CTDP1: variants seen among roughly 807,000 people sequenced by gnomAD.
The protein encoded by CTDP1 is RNA polymerase II subunit A C-terminal domain phosphatase.
CTDP1 carries 47 observed loss-of-function variants against 91.8 expected under a neutral mutation model. That is an observed-to-expected ratio of 0.51 (90% CI 0.41 to 0.65). The LOEUF (loss-of-function observed/expected upper bound fraction) is 0.65. CTDP1 is among the 30% of genes least tolerant of loss of function. The pLI is 0.00. For synonymous variants in CTDP1, 656 were observed against 598.5 expected, an observed-to-expected ratio of 1.10 and a Z score of -1.40; for missense variants, 1,272 against 1,373.7, an observed-to-expected ratio of 0.93 and a Z score of 1.17.
intron 10 of CTDP1, among the ~76,000 whole-genome samples, chr18:79,727,220 A>C (rs1599280934): frequency 2.0e-5 from 3 of 152,314 alleles, no homozygotes; most frequent in Admixed American, 2.0e-4. Context: ...TGAAACATTT[A>C]ATTCAGTTTA....
intron 12 of CTDP1, among the ~76,000 whole-genome samples, chr18:79,748,336 C>T (rs12961692): frequency 0.47 from 71,029 of 152,064 alleles, 16,810 homozygotes; most frequent in East Asian, 0.58. Flanking sequence ...CGGAGCGAGA[C>T]CGAGGGTGCA....
At chr18:79,737,310 C>G (rs2086689878) in intron 12 of CTDP1, among the ~76,000 whole-genome samples, 1 of 152,206 alleles carries the variant, frequency 6.6e-6, no homozygotes, top group African/African-American at 2.4e-5. Flanking sequence ...CTTACAGCTG[C>G]TTGGTTCTGA....
At position 79,715,444 on chromosome 18, in the gene CTDP1, G is replaced by A. The variant is rs2086186266; in HGVS notation, c.1984G>A (p.Ala662Thr). ...EKTREHYHAT[A>T]LGAKILTRLV... ...GACGCGGGAGCATTACCACGCCACG[G>A]CGCTGGGAGCGAAGATCCTCACTCG... is the stretch of plus-strand genomic sequence containing the variant. The change falls in exon 8 of 13, where the codon GCG becomes ACG. Residue 662 changes from alanine (A) to threonine (T), a missense_variant. Around this residue, in one of 3 missense-constraint regions of CTDP1, gnomAD observed 881 missense variants for 911.6 expected, o/e 0.97. Coordinates refer to ENST00000613122, the MANE Select transcript of CTDP1 (RefSeq NM_004715.5). 6.3e-7 allele frequency: 1 copy of A among 1,591,770 alleles called. No homozygotes were observed. The highest frequency in any genetic ancestry group is 1.1e-5 in the South Asian group (1 of 87,666).
At chr18:79,725,693 C>T (rs917375451) in intron 10 of CTDP1, among the ~76,000 whole-genome samples, 4 of 152,066 alleles carry the variant, frequency 2.6e-5, no homozygotes, top group Non-Finnish European at 5.9e-5. Flanking sequence ...GAGGTTCCCT[C>T]GGGGTCCCTT....
chr18:79,719,881 GGTGTCCTGGTGATGATGTCACCTCCCATC>G (rs1319821656), intron 10 of CTDP1, among the ~76,000 whole-genome samples: 9 of 145,462 alleles, frequency 6.2e-5, no homozygotes, highest in South Asian at 2.3e-4. Context: ...CCATTAGGAA[GGTGTCCTGGTGATGATGTCACCTCCCATC>G]GTGTCCTGGT....
At chr18:79,705,670 C>T (rs1041040611) in intron 5 of CTDP1, among the ~76,000 whole-genome samples, 1 of 152,238 alleles carries the variant, frequency 6.6e-6, no homozygotes, top group Non-Finnish European at 1.5e-5. Context: ...TGGATGTAGG[C>T]GCCGAGTGGC....
chr18:79,740,479 A>G (rs1303858402), intron 12 of CTDP1, among the ~76,000 whole-genome samples: 1 of 152,238 alleles, frequency 6.6e-6, no homozygotes, highest in African/African-American at 2.4e-5. Context: ...AATTTTTCAC[A>G]TGAAATTTTT....
rs201954145 is a variant in CTDP1, at chr18:79,731,345, CAG to C, written c.2580+2279_2580+2280del. On this transcript the variant is annotated intron_variant, in intron 11 of 12. Coordinates refer to ENST00000613122, the MANE Select transcript of CTDP1 (RefSeq NM_004715.5). ...GGTAGAGGAAGGGTCTCCACGTCGA[CAG>C]AGGAGAGGCAAAGTTGCTGACCCAA... 5.5e-3 allele frequency among the ~76,000 whole-genome samples: 842 copies of C among 152,318 alleles called. 6 individuals are homozygous for C. The highest frequency in any genetic ancestry group is 0.019 in the African/African-American group (789 of 41,564).
At chr18:79,744,078 T>C (rs758414308) in intron 12 of CTDP1, among the ~76,000 whole-genome samples, 35 of 152,196 alleles carry the variant, frequency 2.3e-4, no homozygotes, top group Non-Finnish European at 4.6e-4. Flanking sequence ...GAGAGGCTGA[T>C]CAGAAACTCA....
Position 79,695,215 on chromosome 18 carries a change from T to C in CTDP1, c.315-10T>C. On this transcript the variant is annotated splice_polypyrimidine_tract_variant and intron_variant, in intron 1 of 12. Transcript: ENST00000613122. ...TTTTAAAGTGTTGTTCCCCTTGTGTTTTTTTGTAGAGCGGTTCTGGTGAGG... is the reference window on the plus strand; with the variant it reads ...TTTTAAAGTGTTGTTCCCCTTGTGTCTTTTTGTAGAGCGGTTCTGGTGAGG... 1.2e-6 allele frequency: 2 copies of C among 1,614,004 alleles called. No individual in the cohort carries two copies. Among genetic ancestry groups the C allele is most frequent in the Non-Finnish European group, 1.7e-6 (2 of 1,179,870 alleles).
chr18:79,756,274 C>T (rs550845437), downstream of CTDP1: 10 of 152,488 alleles, frequency 6.6e-5, no homozygotes, highest in African/African-American at 2.2e-4. Flanking sequence ...CTCCAAGAGC[C>T]CCATCCTGTC....
At chr18:79,741,809 A>G (rs908970429) in intron 12 of CTDP1, among the ~76,000 whole-genome samples, 2 of 152,258 alleles carry the variant, frequency 1.3e-5, no homozygotes, top group Non-Finnish European at 2.9e-5. Flanking sequence ...GTGCTCCACC[A>G]GAAACACTCA....
intron 12 of CTDP1, among the ~76,000 whole-genome samples, chr18:79,747,428 C>T (rs981192763): frequency 2.0e-5 from 3 of 152,230 alleles, no homozygotes; most frequent in African/African-American, 4.8e-5. Context: ...GGGAGGGCAC[C>T]GCTGGCTCTC....
At chr18:79,733,795 C>G (rs2086613903) in intron 11 of CTDP1, among the ~76,000 whole-genome samples, 1 of 152,142 alleles carries the variant, frequency 6.6e-6, no homozygotes, top group Admixed American at 6.5e-5. Context: ...ATTCTGTGAT[C>G]CAGGGTCGTG....
At chr18:79,741,609 G>C (rs56362318) in intron 12 of CTDP1, among the ~76,000 whole-genome samples, 2 of 152,154 alleles carry the variant, frequency 1.3e-5, no homozygotes, top group Non-Finnish European at 2.9e-5. Flanking sequence ...AAGGAAAACA[G>C]CACCACGTTT....
At chr18:79,747,402 G>T (rs1428610538) in intron 12 of CTDP1, among the ~76,000 whole-genome samples, 4 of 152,218 alleles carry the variant, frequency 2.6e-5, no homozygotes, top group Non-Finnish European at 4.4e-5. Context: ...TGGGACTCAG[G>T]TGCAGACGCC....
intron 10 of CTDP1, 63 bp downstream of exon 10, chr18:79,718,079 CTG>C: frequency 1.3e-6 from 2 of 1,582,552 alleles, no homozygotes; most frequent in South Asian, 2.2e-5. Context: ...CTGCTCCAGT[CTG>C]TTGGGGGGAT....
rs1273877195 is a variant in CTDP1 at position 79,737,746 on chromosome 18, C to T, written c.2747+1225C>T. Among the ~76,000 whole-genome samples the T allele has an allele frequency of 3.3e-5, 5 of 152,172 alleles. No individual in the cohort carries two copies. In the East Asian group the frequency reaches 7.7e-4, roughly 23 times the overall value. ...TTGGGTGCCGTCTGTTGATTCTTAG[C>T]GTTCAACATACAGACTGCGTCTCTT... On this transcript the variant is annotated intron_variant, in intron 12 of 12. Transcript: ENST00000613122.
Position 79,680,043 on chromosome 18 carries a change from G to A in CTDP1, c.96G>A (p.Leu32=). Reference sequence around the variant, plus strand: ...GCCCGGGGCCCGCGCCGCTGCGCCTGCTGGAGTGGAGGGTGGCGGCGGGCG... The same window carrying A: ...GCCCGGGGCCCGCGCCGCTGCGCCTACTGGAGTGGAGGGTGGCGGCGGGCG... ...VRCPGPAPLR[L]LEWRVAAGAA... Residue 32 remains leucine, a synonymous_variant, in exon 1 of 13, where the codon CTG becomes CTA. Transcript: ENST00000613122. 7.9e-7 allele frequency: 1 copy of A among 1,258,828 alleles called. No homozygotes were observed. Among genetic ancestry groups the A allele is most frequent in the Non-Finnish European group, 9.9e-7 (1 of 1,006,254 alleles). 78.0% of individuals were successfully genotyped at this position (1,258,828 alleles called of 1,614,324 possible).
Sources: gnomAD v4.1 joint callset for allele counts (sites outside exome capture counted in the v4.1 genomes callset) on GRCh38, gnomAD v4.1.1 for gene constraint, gnomAD v4.1.1 regional missense constraint, MANE v1.5 for transcripts, NCBI Gene and HGNC (gene_info 2026-07-23, HGNC 2026-07-21) for gene names.